Variants in GRID2 observed in about 807,000 individuals in gnomAD.
GRID2 encodes glutamate ionotropic receptor delta type subunit 2.
In GRID2, 33 loss-of-function variants were observed where a neutral mutation model predicts 114.8. That is an observed-to-expected ratio of 0.29 (90% CI 0.22 to 0.38). The LOEUF (loss-of-function observed/expected upper bound fraction) is 0.38. Ranked by LOEUF, GRID2 falls within the 10% of genes least tolerant of loss-of-function variation. The probability of loss-of-function intolerance (pLI) is 1.00; values close to 1 mark genes in which losing one functional copy is unlikely to be tolerated. For missense variants in GRID2, 1,184 were observed against 1,257.7 expected, an observed-to-expected ratio of 0.94 and a Z score of 0.89; for synonymous variants, 505 against 449.9, an observed-to-expected ratio of 1.12 and a Z score of -1.55.
At chr4:93,479,903 CA>C (rs1725685130) in intron 11 of GRID2, among the ~76,000 whole-genome samples, 1 of 151,780 alleles carries the variant, frequency 6.6e-6, no homozygotes, top group Non-Finnish European at 1.5e-5. Flanking sequence ...TGAGCCATAG[CA>C]AAAATAGAGA....
At chr4:93,808,395 A>C (rs1735071446) in exon 2 of GRID2, 1 of 151,944 alleles carries the variant, frequency 6.6e-6, no homozygotes, top group Admixed American at 6.5e-5. Flanking sequence ...TCAAGTGAAA[A>C]GTATGTGAAA....
At chr4:92,732,486 AAAGTTTCATTAC>A (rs1736373747) in intron 2 of GRID2, among the ~76,000 whole-genome samples, 1 of 152,044 alleles carries the variant, frequency 6.6e-6, no homozygotes, top group South Asian at 2.1e-4. Flanking sequence ...TCATGAAAAC[AAAGTTTCATTAC>A]AGAGTGATAA....
intron 4 of GRID2, among the ~76,000 whole-genome samples, chr4:93,130,704 T>A (rs1235996498): frequency 1.3e-5 from 2 of 152,178 alleles, no homozygotes; most frequent in Non-Finnish European, 2.9e-5. Context: ...GATTGTAAAC[T>A]TCATGAGGTC....
chr4:93,633,277 A>G (rs1721101646), intron 14 of GRID2, among the ~76,000 whole-genome samples: 1 of 151,942 alleles, frequency 6.6e-6, no homozygotes, highest in African/African-American at 2.4e-5. Flanking sequence ...CCTATTAAGT[A>G]TTAGAATATT....
rs922623947 is a variant in GRID2 at position 93,366,302 on chromosome 4, C to T, written c.1246-29305C>T. ...CATCCCTGAGAAAGAGAATGCGCAC[C>T]TGGGGATAGGTCTCTAAACTGGCAC... is the stretch of plus-strand genomic sequence containing the variant. On this transcript the variant is annotated intron_variant, in intron 8 of 15. Transcript: ENST00000282020. 2.0e-5 allele frequency among the ~76,000 whole-genome samples: 3 copies of T among 152,128 alleles called. No homozygotes were observed. In the East Asian group the frequency reaches 5.8e-4, roughly 30 times the overall value.
At chr4:93,208,667 A>T (rs1455271801) in intron 5 of GRID2, among the ~76,000 whole-genome samples, 1 of 151,990 alleles carries the variant, frequency 6.6e-6, no homozygotes, top group Admixed American at 6.6e-5. Flanking sequence ...TGATGGAATG[A>T]TCCTTTTTAT....
At chr4:93,432,015 A>G (rs1769464647) in intron 10 of GRID2, among the ~76,000 whole-genome samples, 1 of 152,222 alleles carries the variant, frequency 6.6e-6, no homozygotes, top group African/African-American at 2.4e-5. Flanking sequence ...CTTCAAATTT[A>G]TTGATAAAAA....
At chr4:92,652,816 T>TA (rs1168020703) in intron 2 of GRID2, among the ~76,000 whole-genome samples, 1 of 125,130 alleles carries the variant, frequency 8.0e-6, no homozygotes, top group African/African-American at 2.9e-5. Flanking sequence ...AATATATATA[T>TA]ATATATAAAT....
intron 2 of GRID2, among the ~76,000 whole-genome samples, chr4:92,721,562 A>G (rs1735810217): frequency 2.0e-5 from 3 of 152,186 alleles, no homozygotes. Context: ...AGAGAAAAGT[A>G]CTAAAAAGAC....
chr4:93,421,288 T>A (rs1378279881), intron 9 of GRID2, among the ~76,000 whole-genome samples: 1 of 152,160 alleles, frequency 6.6e-6, no homozygotes, highest in East Asian at 1.9e-4. Flanking sequence ...TTGCCTGAAG[T>A]AGGACTACAG....
rs972682592 is a variant in GRID2 at position 92,997,626 on chromosome 4, G to T, written c.245-87369G>T. 2.0e-5 allele frequency among the ~76,000 whole-genome samples: 3 copies of T among 152,186 alleles called. No individual in the cohort carries two copies. The East Asian group carries it at 5.8e-4, about 29-fold the overall frequency. On this transcript the variant is annotated intron_variant, in intron 2 of 15. Transcript: ENST00000282020. ...TCTGCTGACTGAAATGAAGGCAGTG[G>T]TCTGGCCTCACAGCAGTGAAGGCCT...
chr4:92,561,714 A>AT, intron 1 of GRID2, among the ~76,000 whole-genome samples: 1 of 152,108 alleles, frequency 6.6e-6, no homozygotes, highest in Non-Finnish European at 1.5e-5. Flanking sequence ...ATTAACAAAA[A>AT]TTTTTTACAT....
In GRID2 at chr4:92,479,902, T is replaced by C. The variant is rs78905605; in HGVS notation, c.89-110229T>C. On this transcript the variant is annotated intron_variant, in intron 1 of 15. Coordinates refer to ENST00000282020, the MANE Select transcript of GRID2 (RefSeq NM_001510.4). ...ATGTTGGAGTGAGTACATAGAATAT[T>C]CAAATAAATATCAAATGTTATTAAA... 9.9e-3 allele frequency among the ~76,000 whole-genome samples: 1,503 copies of C among 152,234 alleles called. 23 individuals carry two copies. Among genetic ancestry groups the C allele is most frequent in the African/African-American group, 0.035 (1,438 of 41,548 alleles).
chr4:93,630,527 T>C (rs753020455), intron 14 of GRID2, among the ~76,000 whole-genome samples: 1 of 152,204 alleles, frequency 6.6e-6, no homozygotes, highest in Admixed American at 6.5e-5. Flanking sequence ...TTCATTAGTT[T>C]AATTTTATAG....
chr4:93,550,002 G>A (rs1733611881), intron 13 of GRID2, among the ~76,000 whole-genome samples: 1 of 152,164 alleles, frequency 6.6e-6, no homozygotes, highest in African/African-American at 2.4e-5. Flanking sequence ...ACTTACCTCA[G>A]AGACTGCTGT....
At chr4:93,125,388 A>G (rs1338441825) in intron 4 of GRID2, among the ~76,000 whole-genome samples, 1 of 151,976 alleles carries the variant, frequency 6.6e-6, no homozygotes, top group African/African-American at 2.4e-5. Context: ...TGATATATAT[A>G]CATAATATTT....
At chr4:93,337,027 T>G (rs146840192) in intron 8 of GRID2, among the ~76,000 whole-genome samples, 13 of 152,278 alleles carry the variant, frequency 8.5e-5, no homozygotes, top group African/African-American at 2.9e-4. Flanking sequence ...TCTTAAGTAA[T>G]TATTTCAGTT....
chr4:92,813,613 G>T (rs1740751369), intron 2 of GRID2, among the ~76,000 whole-genome samples: 1 of 152,016 alleles, frequency 6.6e-6, no homozygotes, highest in African/African-American at 2.4e-5. Flanking sequence ...TATCCATTCA[G>T]ATTTATCAGA....
At chr4:93,624,524 A>C (rs555788455) in intron 13 of GRID2, among the ~76,000 whole-genome samples, 1 of 152,278 alleles carries the variant, frequency 6.6e-6, no homozygotes, top group East Asian at 1.9e-4. Context: ...GATAGATAAC[A>C]GGTAGACAAC....
Sources: gnomAD v4.1 joint callset for allele counts (sites outside exome capture counted in the v4.1 genomes callset) on GRCh38, gnomAD v4.1.1 for gene constraint, MANE v1.5 for transcripts, NCBI Gene and HGNC (gene_info 2026-07-23, HGNC 2026-07-21) for gene names.